The following ZNF407 variants were observed in gnomAD, a reference collection of about 807,000 sequenced individuals.
The protein encoded by ZNF407 is zinc finger protein 407.
In ZNF407, 17 loss-of-function variants were observed where a neutral mutation model predicts 131.2. That is an observed-to-expected ratio of 0.13 (90% confidence interval 0.09 to 0.19). The LOEUF (loss-of-function observed/expected upper bound fraction) is 0.19, where lower values mean the gene tolerates loss of function less well. ZNF407 is among the 10% of genes least tolerant of loss of function. ZNF407 has a pLI of 1.00. For synonymous variants in ZNF407, 1,156 were observed against 1,062.0 expected (o/e 1.09, Z -1.72); for missense variants, 2,681 against 2,830.6 (o/e 0.95, Z 1.20).
intron 8 of ZNF407, among the ~76,000 whole-genome samples, chr18:74,959,755 G>T (rs1197970157): frequency 6.6e-6 from 1 of 152,210 alleles, no homozygotes; most frequent in Non-Finnish European, 1.5e-5. Context: ...TATGTCATTT[G>T]ATACATGAAG....
intron 6 of ZNF407, among the ~76,000 whole-genome samples, chr18:74,883,440 G>A (rs1195508638): frequency 3.9e-5 from 6 of 152,060 alleles, no homozygotes; most frequent in Non-Finnish European, 8.8e-5. Context: ...GAGTACCCAC[G>A]CAAATTATAA....
At chr18:74,881,397 A>T (rs1283907011) in intron 6 of ZNF407, among the ~76,000 whole-genome samples, 1 of 152,196 alleles carries the variant, frequency 6.6e-6, no homozygotes, top group Non-Finnish European at 1.5e-5. Context: ...CAAAGCCCAG[A>T]TACAGGAGAC....
intron 4 of ZNF407, among the ~76,000 whole-genome samples, chr18:74,847,357 C>G (rs1970716567): frequency 2.6e-5 from 4 of 152,092 alleles, no homozygotes; most frequent in Admixed American, 2.6e-4. Flanking sequence ...CTCCCTAGGC[C>G]TTAGCTGAAA....
At chr18:74,982,420 A>G (rs1398247418) in intron 8 of ZNF407, among the ~76,000 whole-genome samples, 1 of 152,200 alleles carries the variant, frequency 6.6e-6, no homozygotes, top group Non-Finnish European at 1.5e-5. Flanking sequence ...AAATCCAATA[A>G]TTATTATTGG....
At chr18:74,774,666 A>G (rs1490890165) in intron 3 of ZNF407, among the ~76,000 whole-genome samples, 2 of 152,224 alleles carry the variant, frequency 1.3e-5, no homozygotes, top group Non-Finnish European at 2.9e-5. Flanking sequence ...TTTTGTCACT[A>G]TACAAATAAA....
At chr18:74,858,762 A>G (rs1458609185) in intron 4 of ZNF407, among the ~76,000 whole-genome samples, 1 of 152,228 alleles carries the variant, frequency 6.6e-6, no homozygotes, top group Non-Finnish European at 1.5e-5. Flanking sequence ...GATTCAAGAA[A>G]AATATTAATA....
chr18:74,686,088 G>C (rs911426138), intron 3 of ZNF407, among the ~76,000 whole-genome samples: 1 of 152,156 alleles, frequency 6.6e-6, no homozygotes, highest in Non-Finnish European at 1.5e-5. Context: ...ATATAAATGA[G>C]CAGTAAGCCA....
intron 3 of ZNF407, among the ~76,000 whole-genome samples, chr18:74,643,416 T>TC (rs1478027809): frequency 6.6e-6 from 1 of 152,074 alleles, no homozygotes; most frequent in Non-Finnish European, 1.5e-5. Context: ...AAACAGAAGG[T>TC]CCTGCATTAT....
At chr18:74,785,773 A>T (rs1969692594) in intron 4 of ZNF407, among the ~76,000 whole-genome samples, 1 of 145,790 alleles carries the variant, frequency 6.9e-6, no homozygotes, top group Non-Finnish European at 1.5e-5. Flanking sequence ...TGTCACTCAC[A>T]TGGCACACAC....
chr18:74,665,880 G>A (rs145096184), intron 3 of ZNF407, among the ~76,000 whole-genome samples: 1 of 152,196 alleles, frequency 6.6e-6, no homozygotes, highest in African/African-American at 2.4e-5. Context: ...AACCATCTAG[G>A]TATATATTTG....
At chr18:74,916,969 C>T (rs527625772) in intron 7 of ZNF407, among the ~76,000 whole-genome samples, 2 of 152,176 alleles carry the variant, frequency 1.3e-5, no homozygotes, top group South Asian at 4.1e-4. Context: ...GGCTGAGAAC[C>T]TCTTCTTCTT....
chr18:74,935,179 A>T (rs117183557), intron 8 of ZNF407, among the ~76,000 whole-genome samples: 119 of 152,354 alleles, frequency 7.8e-4, no homozygotes, highest in Non-Finnish European at 1.4e-3. Context: ...AAATGCTCAG[A>T]TAGTTCTCTT....
intron 8 of ZNF407, among the ~76,000 whole-genome samples, chr18:75,015,405 C>T (rs1383602229): frequency 6.6e-6 from 1 of 151,186 alleles, no homozygotes; most frequent in Non-Finnish European, 1.5e-5. Flanking sequence ...CCAAGATCTC[C>T]ACTCTATGTA....
At chr18:74,609,748 A>G (rs149690418) in intron 1 of ZNF407, among the ~76,000 whole-genome samples, 2 of 152,340 alleles carry the variant, frequency 1.3e-5, no homozygotes, top group Non-Finnish European at 2.9e-5. Context: ...GGCAATAGGA[A>G]TGTTTCAGCT....
chr18:74,610,492 T>C (rs968876148), intron 1 of ZNF407, among the ~76,000 whole-genome samples: 4 of 151,868 alleles, frequency 2.6e-5, no homozygotes, highest in Admixed American at 2.0e-4. Context: ...CGTTTTCCTG[T>C]ACTTTCCCAA....
At chr18:75,006,693 G>A (rs1972914583) in intron 8 of ZNF407, among the ~76,000 whole-genome samples, 1 of 152,140 alleles carries the variant, frequency 6.6e-6, no homozygotes, top group Non-Finnish European at 1.5e-5. Context: ...TTTGATAAAT[G>A]TTTCATCTGG....
chr18:75,019,408 G>C (rs1367129652), intron 8 of ZNF407, among the ~76,000 whole-genome samples: 1 of 152,126 alleles, frequency 6.6e-6, no homozygotes, highest in Admixed American at 6.6e-5. Context: ...CATATCCATG[G>C]TTGTGATTTC....
At chr18:74,759,597 T>G (rs1969045763) in intron 3 of ZNF407, among the ~76,000 whole-genome samples, 1 of 152,042 alleles carries the variant, frequency 6.6e-6, no homozygotes, top group Non-Finnish European at 1.5e-5. Flanking sequence ...AAGACCTTGC[T>G]GTATTTTCTG....
At chr18:74,706,511 A>G (rs1568175613) in intron 3 of ZNF407, among the ~76,000 whole-genome samples, 4 of 152,132 alleles carry the variant, frequency 2.6e-5, no homozygotes, top group East Asian at 1.9e-4. Context: ...CATTCACTCA[A>G]CATGTATTTA....
Sources: allele counts gnomAD v4.1 joint callset (sites outside exome capture counted in the v4.1 genomes callset), GRCh38; gene constraint gnomAD v4.1.1; transcripts MANE v1.5; gene names NCBI Gene and HGNC (gene_info 2026-07-23, HGNC 2026-07-21).